The following ZSWIM5 variants were observed in gnomAD, a reference collection of about 807,000 sequenced individuals.
ZSWIM5 encodes zinc finger SWIM-type containing 5.
ZSWIM5 carries 55 observed loss-of-function variants against 119.6 expected under a neutral mutation model. The ratio of observed to expected loss-of-function variants is 0.46; its 90% confidence interval spans 0.37 to 0.58. The LOEUF (loss-of-function observed/expected upper bound fraction) is 0.58. Ranked by LOEUF, ZSWIM5 falls within the 20% of genes least tolerant of loss-of-function variation. The pLI is 0.00. For synonymous variants in ZSWIM5, 537 were observed against 606.9 expected (o/e 0.88, Z 1.69); for missense variants, 1,193 against 1,512.8 (o/e 0.79, Z 3.51).
In ZSWIM5 at chr1:45,206,129, C is replaced by A; in HGVS notation, c.222G>T (p.Ala74=). The change falls in exon 1 of 14, where the codon GCG becomes GCT. Residue 74 remains alanine, a synonymous_variant. Coordinates refer to ENST00000359600, the MANE Select transcript of ZSWIM5 (RefSeq NM_020883.2). ...CCACCCGTTCGTATGCCCACTTTTC[C>A]GCCACCGTCTTGGCGGCGCAGTCCA... ...SLLDCAAKTV[A]EKWAYERVEE... The A allele has an allele frequency of 6.2e-7, 1 of 1,611,220 alleles. No homozygotes were observed. The highest frequency in any genetic ancestry group is 8.5e-7 in the Non-Finnish European group (1 of 1,179,314).
At chr1:45,092,635 G>A (rs572024735) in intron 1 of ZSWIM5, among the ~76,000 whole-genome samples, 1 of 146,202 alleles carries the variant, frequency 6.8e-6, no homozygotes, top group African/African-American at 2.5e-5. Flanking sequence ...ATTTGACTAG[G>A]CTATGGTACC....
chr1:45,139,326 G>A (rs535231684), intron 1 of ZSWIM5, among the ~76,000 whole-genome samples: 41 of 151,762 alleles, frequency 2.7e-4, no homozygotes, highest in Middle Eastern at 3.4e-3. Flanking sequence ...GACTACAGAC[G>A]CCTGCTACCA....
chr1:45,058,218 G>A (rs1645133430), intron 4 of ZSWIM5, among the ~76,000 whole-genome samples: 1 of 152,198 alleles, frequency 6.6e-6, no homozygotes. Context: ...TTAAGTCCAA[G>A]TATTGGAAAC....
intron 9 of ZSWIM5, 93 bp downstream of exon 9, chr1:45,035,946 G>A: frequency 4.5e-6 from 7 of 1,562,940 alleles, no homozygotes; most frequent in Non-Finnish European, 6.1e-6. Flanking sequence ...ACATTTTAAT[G>A]TCATAAATGT....
chr1:45,052,770 G>GA lies in ZSWIM5; in HGVS notation c.1253-1518dup, dbSNP rs1240681794. Among the ~76,000 whole-genome samples, 12 of 145,690 alleles carry GA rather than the reference G, an allele frequency of 8.2e-5. No homozygotes were observed. In the Admixed American group the frequency reaches 8.3e-4, roughly 10 times the overall value. On this transcript the variant is annotated intron_variant, in intron 4 of 13. Transcript: ENST00000359600. ...CATGGGTGATGGGAAAAAAAAAAAAGAAAAAACCCTCATTTCTATTTTTTC... is the reference window on the plus strand; with the variant it reads ...CATGGGTGATGGGAAAAAAAAAAAAGAAAAAAACCCTCATTTCTATTTTTTC...
chr1:45,119,749 A>G (rs180724596), intron 1 of ZSWIM5, among the ~76,000 whole-genome samples: 4 of 152,278 alleles, frequency 2.6e-5, no homozygotes, highest in African/African-American at 9.6e-5. Context: ...ATTATCATTT[A>G]CCTTTGTATC....
At chr1:45,102,725 G>A (rs1243434758) in intron 1 of ZSWIM5, among the ~76,000 whole-genome samples, 3 of 152,124 alleles carry the variant, frequency 2.0e-5, no homozygotes, top group South Asian at 2.1e-4. Flanking sequence ...CCTGATTTGT[G>A]ATTAAAATAA....
intron 1 of ZSWIM5, among the ~76,000 whole-genome samples, chr1:45,147,584 CAAAAAAAAAA>C (rs11409330): frequency 1.1e-5 from 1 of 93,328 alleles, no homozygotes; most frequent in Admixed American, 1.3e-4. Flanking sequence ...TTTACACATG[CAAAAAAAAAA>C]AAAAAAAAAA....
chr1:45,174,697 G>A (rs1468100794), intron 1 of ZSWIM5, among the ~76,000 whole-genome samples: 4 of 151,854 alleles, frequency 2.6e-5, no homozygotes, highest in East Asian at 1.9e-4. Flanking sequence ...CTGAGATCGC[G>A]CCACTGCACT....
intron 1 of ZSWIM5, among the ~76,000 whole-genome samples, chr1:45,153,684 C>T (rs1456082070): frequency 1.3e-5 from 2 of 152,002 alleles, no homozygotes; most frequent in African/African-American, 4.8e-5. Context: ...CAACAGTGGA[C>T]TGGATAAAGA....
intron 1 of ZSWIM5, among the ~76,000 whole-genome samples, chr1:45,122,436 G>A (rs1272718116): frequency 1.3e-5 from 2 of 152,082 alleles, no homozygotes; most frequent in Admixed American, 1.3e-4. Flanking sequence ...ACTTCTTCTG[G>A]GAAGATGGAG....
At chr1:45,173,029 G>A (rs927382259) in intron 1 of ZSWIM5, among the ~76,000 whole-genome samples, 1 of 152,146 alleles carries the variant, frequency 6.6e-6, no homozygotes, top group East Asian at 1.9e-4. Flanking sequence ...GCCGGGCATG[G>A]TGGTGTGTGC....
chr1:45,112,459 T>G (rs1215685309), intron 1 of ZSWIM5, among the ~76,000 whole-genome samples: 1 of 152,226 alleles, frequency 6.6e-6, no homozygotes, highest in Non-Finnish European at 1.5e-5. Context: ...TTAATATGTA[T>G]GTAGGTAAAG....
At chr1:45,035,641 C>A in intron 10 of ZSWIM5, 47 bp downstream of exon 10, 1 of 1,599,668 alleles carries the variant, frequency 6.3e-7, no homozygotes, top group Non-Finnish European at 8.5e-7. Context: ...GAGCACTGGA[C>A]ACTTCTGCTT....
intron 1 of ZSWIM5, among the ~76,000 whole-genome samples, chr1:45,104,944 T>C (rs529217417): frequency 3.4e-4 from 52 of 152,346 alleles, no homozygotes; most frequent in African/African-American, 1.2e-3. Context: ...ACCTTGCATT[T>C]ACCTAGTTTT....
In ZSWIM5 at chr1:45,030,798, C is replaced by CTT. The variant is rs56045429; in HGVS notation, c.2449+3512_2449+3513dup. ...AATTTGATTTATGTTTTCATTCTTT[C>CTT]TTTTTTTTTTTTTTTTGAGATAGAG... On this transcript the variant is annotated intron_variant, in intron 11 of 13. Coordinates refer to ENST00000359600, the MANE Select transcript of ZSWIM5 (RefSeq NM_020883.2). 6.2e-3 allele frequency among the ~76,000 whole-genome samples: 822 copies of CTT among 132,994 alleles called. 17 individuals are homozygous for CTT. Among genetic ancestry groups the CTT allele is most frequent in the African/African-American group, 0.013 (451 of 35,760 alleles). 87.2% of individuals were successfully genotyped at this position (132,994 alleles called of 152,430 possible).
At chr1:45,023,373 C>T (rs1343765027) in intron 11 of ZSWIM5, among the ~76,000 whole-genome samples, 1 of 151,400 alleles carries the variant, frequency 6.6e-6, no homozygotes, top group Non-Finnish European at 1.5e-5. Context: ...TTTCTTTCTT[C>T]TTCTTTTTTT....
Position 45,091,491 on chromosome 1 carries a change from TAA to T in ZSWIM5, c.596-3256_596-3255del, listed in dbSNP as rs35089745. ...GGGCAATATAGCAAGACCCTGTCTC[TAA>T]AAAAAAAAAAAAAAAAAAAAATAGC... On this transcript the variant is annotated intron_variant, in intron 1 of 13. Transcript: ENST00000359600. Among the ~76,000 whole-genome samples the T allele has an allele frequency of 8.0e-3, 837 of 104,314 alleles. 9 individuals are homozygous for T. The highest frequency in any genetic ancestry group is 0.025 in the African/African-American group (663 of 26,176). The allele number at this position is 104,314 out of a possible 152,430, so 68.4% of individuals were successfully genotyped here.
intron 2 of ZSWIM5, among the ~76,000 whole-genome samples, chr1:45,086,588 A>G (rs1570079389): frequency 1.3e-5 from 2 of 152,218 alleles, no homozygotes; most frequent in East Asian, 1.9e-4. Context: ...AACAATGAGA[A>G]CACTTGGACA....
Sources: gnomAD v4.1 joint callset for allele counts (sites outside exome capture counted in the v4.1 genomes callset) on GRCh38, gnomAD v4.1.1 for gene constraint, MANE v1.5 for transcripts, NCBI Gene and HGNC (gene_info 2026-07-23, HGNC 2026-07-21) for gene names.